AHI1: variants seen among roughly 807,000 people sequenced by gnomAD.
AHI1 encodes the protein Abelson helper integration site 1.
Under a neutral mutation model 149.3 loss-of-function variants are expected in AHI1, and 123 were observed. That is an observed-to-expected ratio of 0.82 (90% confidence interval 0.71 to 0.96). The LOEUF (loss-of-function observed/expected upper bound fraction) is 0.96, where lower values mean the gene tolerates loss of function less well. AHI1 is among the 40% of genes least tolerant of loss of function. The pLI is 0.00. For missense variants in AHI1, 1,439 were observed against 1,422.7 expected, an observed-to-expected ratio of 1.01 and a Z score of -0.18; for synonymous variants, 475 against 459.8, an observed-to-expected ratio of 1.03 and a Z score of -0.42.
At chr6:135,383,752 G>T (rs994820790) in intron 23 of AHI1, among the ~76,000 whole-genome samples, 2 of 152,044 alleles carry the variant, frequency 1.3e-5, no homozygotes, top group Non-Finnish European at 2.9e-5. Context: ...TGTCCATTTC[G>T]ATTTGAGATT....
In AHI1 at chr6:135,396,648, T is replaced by C. The variant is rs1330272180; in HGVS notation, c.2989-1752A>G. 3.3e-5 allele frequency among the ~76,000 whole-genome samples: 5 copies of C among 151,976 alleles called. No homozygotes were observed. In the South Asian group the frequency reaches 8.3e-4, roughly 25 times the overall value. ...CTGTGCTTTCAAATGGAAAAGAACATATTTATCACTTAACTATTTAATTCA... is the reference window on the plus strand; with the variant it reads ...CTGTGCTTTCAAATGGAAAAGAACACATTTATCACTTAACTATTTAATTCA... On this transcript the variant is annotated intron_variant, in intron 22 of 28. Coordinates refer to ENST00000265602, the MANE Select transcript of AHI1 (RefSeq NM_001134831.2).
At chr6:135,344,083 A>G (rs960170101) in intron 24 of AHI1, among the ~76,000 whole-genome samples, 5 of 152,058 alleles carry the variant, frequency 3.3e-5, no homozygotes, top group Admixed American at 2.6e-4. Flanking sequence ...TATATAAAAT[A>G]GTATTTGCAT....
intron 23 of AHI1, among the ~76,000 whole-genome samples, chr6:135,373,705 G>C (rs982074188): frequency 1.3e-5 from 2 of 152,026 alleles, no homozygotes; most frequent in Non-Finnish European, 2.9e-5. Flanking sequence ...AAAGAAAGAA[G>C]AACAAAGACA....
chr6:135,298,006 A>C (rs549097157), intron 27 of AHI1, among the ~76,000 whole-genome samples: 8 of 152,314 alleles, frequency 5.3e-5, no homozygotes, highest in African/African-American at 1.9e-4. Context: ...CAAAGCTGTT[A>C]ATGAAATAAA....
intron 24 of AHI1, among the ~76,000 whole-genome samples, chr6:135,356,560 A>G (rs1466646502): frequency 6.6e-6 from 1 of 152,226 alleles, no homozygotes; most frequent in Non-Finnish European, 1.5e-5. Flanking sequence ...GTAGAGACAC[A>G]GAAGGAGAAG....
At chr6:135,318,438 C>T (rs1467940040) in intron 26 of AHI1, 81 bp downstream of exon 26, 3 of 898,764 alleles carry the variant, frequency 3.3e-6, no homozygotes, top group African/African-American at 3.3e-5. Flanking sequence ...GGATAATAAG[C>T]ATAAAAAATA....
chr6:135,456,389 A>C (rs1180740621), intron 9 of AHI1, among the ~76,000 whole-genome samples: 2 of 152,114 alleles, frequency 1.3e-5, no homozygotes, highest in Non-Finnish European at 2.9e-5. Context: ...AAAAATAGAA[A>C]AAAAGTTAGC....
chr6:135,395,256 C>T (rs987067237), intron 22 of AHI1, among the ~76,000 whole-genome samples: 1 of 151,934 alleles, frequency 6.6e-6, no homozygotes, highest in African/African-American at 2.4e-5. Flanking sequence ...TTCATATTCA[C>T]ATTTCCCTAG....
chr6:135,352,090 C>T (rs575238362), intron 24 of AHI1, among the ~76,000 whole-genome samples: 1 of 152,282 alleles, frequency 6.6e-6, no homozygotes, highest in Non-Finnish European at 1.5e-5. Context: ...ATCCTTATCA[C>T]CACAAATGTA....
At chr6:135,300,339 A>G (rs1019559556) in intron 27 of AHI1, among the ~76,000 whole-genome samples, 161 bp downstream of exon 27, 2 of 140,310 alleles carry the variant, frequency 1.4e-5, no homozygotes, top group African/African-American at 6.5e-5. Flanking sequence ...AAAAAAAAAA[A>G]AGAAAAAAAA....
chr6:135,475,719 G>A (rs904618211), intron 5 of AHI1, among the ~76,000 whole-genome samples: 4 of 152,148 alleles, frequency 2.6e-5, no homozygotes, highest in Non-Finnish European at 4.4e-5. Context: ...ACTCTACTGG[G>A]GGGTGTACCT....
At chr6:135,458,682 G>A (rs867839060) in intron 8 of AHI1, among the ~76,000 whole-genome samples, 4 of 152,094 alleles carry the variant, frequency 2.6e-5, no homozygotes, top group South Asian at 4.1e-4. Flanking sequence ...AGAAACCAGC[G>A]GATATTTTGG....
At chr6:135,380,492 C>T (rs1390526530) in intron 23 of AHI1, among the ~76,000 whole-genome samples, 2 of 152,080 alleles carry the variant, frequency 1.3e-5, no homozygotes, top group African/African-American at 2.4e-5. Context: ...GGTCGTAAAA[C>T]CAACTACCCA....
intron 26 of AHI1, among the ~76,000 whole-genome samples, chr6:135,317,117 T>C (rs951285538): frequency 6.6e-6 from 1 of 152,116 alleles, no homozygotes. Flanking sequence ...CAGGTTTTTG[T>C]ATTTTATTTC....
intron 23 of AHI1, among the ~76,000 whole-genome samples, chr6:135,382,910 A>AT (rs1466601998): frequency 9.9e-6 from 1 of 101,286 alleles, no homozygotes; most frequent in East Asian, 2.7e-4. Context: ...AAAAAAAAAA[A>AT]AAAAAAAAAA....
chr6:135,482,909 T>TTTTTTTTTTTTTTTTTA (rs6149820), intron 5 of AHI1, among the ~76,000 whole-genome samples: 1 of 141,774 alleles, frequency 7.1e-6, no homozygotes, highest in African/African-American at 2.6e-5. Context: ...TTTTTTTTTT[T>TTTTTTTTTTTTTTTTTA]GAGACAGAGT....
chr6:135,373,817 A>G (rs778623171), intron 23 of AHI1, among the ~76,000 whole-genome samples: 3 of 152,132 alleles, frequency 2.0e-5, no homozygotes, highest in Non-Finnish European at 2.9e-5. Flanking sequence ...AGTGGTTACA[A>G]GCTACTTGCT....
chr6:135,462,573 A>C (rs1790076862), intron 8 of AHI1, among the ~76,000 whole-genome samples: 1 of 152,204 alleles, frequency 6.6e-6, no homozygotes, highest in Non-Finnish European at 1.5e-5. Flanking sequence ...CTACAAAGTC[A>C]GTATCATTTT....
chr6:135,338,445 G>A (rs1789761841), intron 24 of AHI1, among the ~76,000 whole-genome samples: 1 of 152,116 alleles, frequency 6.6e-6, no homozygotes, highest in Admixed American at 6.5e-5. Context: ...CATTTTCAAT[G>A]GCTAAATAGA....
Sources: gnomAD v4.1 joint callset for allele counts (sites outside exome capture counted in the v4.1 genomes callset) on GRCh38, gnomAD v4.1.1 for gene constraint, MANE v1.5 for transcripts, NCBI Gene and HGNC (gene_info 2026-07-23, HGNC 2026-07-21) for gene names.